Variants in PARPBP observed in about 807,000 individuals in gnomAD.
The protein encoded by PARPBP is PCNA-interacting partner.
Under a neutral mutation model 50.0 loss-of-function variants are expected in PARPBP, and 52 were observed. That is an observed-to-expected ratio of 1.04 (90% CI 0.83 to 1.31). The LOEUF (loss-of-function observed/expected upper bound fraction) is 1.31, where lower values mean the gene tolerates loss of function less well. Among genes scored for constraint, PARPBP ranks in the 50% most tolerant of loss-of-function variants. The pLI is 0.00. For missense variants in PARPBP, 697 were observed against 672.0 expected (o/e 1.04, Z -0.41); for synonymous variants, 244 against 232.1 (o/e 1.05, Z -0.47).
rs1226124541 is a variant in PARPBP, at chr12:102,184,508, A to G, written c.1263+1881A>G. On this transcript the variant is annotated intron_variant, in intron 9 of 10. Coordinates refer to ENST00000327680, the MANE Select transcript of PARPBP (RefSeq NM_017915.5). ...TCATCTAATGCAGTCTCATTTACAG[A>G]TGTGGAAACCAAAATTCTAAGAAGG... Among the ~76,000 whole-genome samples the G allele has an allele frequency of 3.9e-5, 6 of 152,214 alleles. No individual in the cohort carries two copies. The South Asian group carries it at 1.2e-3, about 31-fold the overall frequency.
chr12:102,135,786 C>T (rs1388389813), intron 2 of PARPBP, among the ~76,000 whole-genome samples: 4 of 152,092 alleles, frequency 2.6e-5, no homozygotes, highest in African/African-American at 7.2e-5. Context: ...TGCTGTTTTT[C>T]GAGTACTTTT....
intron 2 of PARPBP, among the ~76,000 whole-genome samples, chr12:102,125,580 C>T (rs1164998646): frequency 6.6e-6 from 1 of 152,038 alleles, no homozygotes; most frequent in Middle Eastern, 3.2e-3. Flanking sequence ...GTAAAAAGGC[C>T]AATACAGCTG....
At chr12:102,131,930 G>A (rs532878046) in intron 2 of PARPBP, among the ~76,000 whole-genome samples, 8 of 152,102 alleles carry the variant, frequency 5.3e-5, no homozygotes, top group Admixed American at 3.3e-4. Context: ...ACAGCTGGGC[G>A]CTGTGGCTAA....
chr12:102,136,079 C>T (rs1883588081), intron 2 of PARPBP, among the ~76,000 whole-genome samples: 1 of 152,096 alleles, frequency 6.6e-6, no homozygotes, highest in Non-Finnish European at 1.5e-5. Context: ...AAATAGAGCA[C>T]ATTGTTTGCT....
At chr12:102,129,153 A>G (rs1166572689) in intron 2 of PARPBP, among the ~76,000 whole-genome samples, 1 of 152,014 alleles carries the variant, frequency 6.6e-6, no homozygotes, top group African/African-American at 2.4e-5. Flanking sequence ...ATTATTTTTA[A>G]AATTCATTTT....
At chr12:102,189,954 CTT>C (rs751670291) in intron 9 of PARPBP, among the ~76,000 whole-genome samples, 1 of 152,116 alleles carries the variant, frequency 6.6e-6, no homozygotes, top group African/African-American at 2.4e-5. Flanking sequence ...ATATTTCTCT[CTT>C]GTTTCTGTAC....
intron 4 of PARPBP, among the ~76,000 whole-genome samples, chr12:102,159,236 T>C (rs1887300680): frequency 6.6e-6 from 1 of 152,106 alleles, no homozygotes; most frequent in African/African-American, 2.4e-5. Flanking sequence ...GTTCAAGCAA[T>C]TCTCCTGCCT....
In PARPBP at chr12:102,178,590, A is replaced by G. The variant is rs774367791; in HGVS notation, c.1006-2A>G. ...TTTACCTAAAATTATTTTTTGTCTC[A>G]GCCAAAATCTCATGCCATAAACCAT... On this transcript the variant is annotated splice_acceptor_variant, in intron 7 of 10. Coordinates refer to ENST00000327680, the MANE Select transcript of PARPBP (RefSeq NM_017915.5). LOFTEE classifies it high-confidence loss of function. 6.4e-7 allele frequency: 1 copy of G among 1,558,238 alleles called. No individual in the cohort carries two copies. Among genetic ancestry groups the G allele is most frequent in the South Asian group, 1.2e-5 (1 of 82,240 alleles).
intron 8 of PARPBP, among the ~76,000 whole-genome samples, chr12:102,180,575 T>A (rs1402090325): frequency 1.3e-5 from 2 of 152,162 alleles, no homozygotes; most frequent in African/African-American, 2.4e-5. Flanking sequence ...TGGTGGTGCA[T>A]GCTTGTAGTA....
At chr12:102,132,915 A>G (rs754480244) in intron 2 of PARPBP, among the ~76,000 whole-genome samples, 13 of 151,940 alleles carry the variant, frequency 8.6e-5, no homozygotes, top group African/African-American at 1.2e-4. Context: ...TTTTATAGCT[A>G]TTGTAAATGG....
chr12:102,154,956 T>C, intron 4 of PARPBP: 1 of 364,586 alleles, frequency 2.7e-6, no homozygotes, highest in Non-Finnish European at 5.3e-6. Context: ...GTCTTCACAA[T>C]CCCATATCTT....
At chr12:102,135,177 T>C (rs748740283) in intron 2 of PARPBP, among the ~76,000 whole-genome samples, 2 of 151,924 alleles carry the variant, frequency 1.3e-5, no homozygotes, top group East Asian at 1.9e-4. Context: ...CACAGGAATA[T>C]GTATAAGGAA....
chr12:102,193,235 T>A (rs1243651405), intron 9 of PARPBP, among the ~76,000 whole-genome samples: 2 of 151,922 alleles, frequency 1.3e-5, no homozygotes, highest in Admixed American at 6.6e-5. Context: ...GACTATATGT[T>A]AAAAATTAAT....
Position 102,120,210 on chromosome 12 carries a change from G to C in PARPBP, c.-80G>C, listed in dbSNP as rs1880757735. 1 of 225,340 alleles carries C rather than the reference G, an allele frequency of 4.4e-6. No homozygotes were observed. Among genetic ancestry groups the C allele is most frequent in the Non-Finnish European group, 9.5e-6 (1 of 105,680 alleles). The allele number at this position is 225,340 out of a possible 1,614,324, so 14.0% of individuals were successfully genotyped here. ...ATTCAGCGGCGACAGCGGCGACTGC[G>C]GCGGCCGCGGGAGGGCATCCCGTTG... On this transcript the variant is annotated 5_prime_UTR_variant, in exon 1 of 11. Coordinates refer to ENST00000327680, the MANE Select transcript of PARPBP (RefSeq NM_017915.5).
chr12:102,138,394 T>G (rs1302311802), intron 2 of PARPBP, among the ~76,000 whole-genome samples: 2 of 152,222 alleles, frequency 1.3e-5, no homozygotes, highest in Non-Finnish European at 2.9e-5. Context: ...TCTTTGTAGA[T>G]TCTGGAATTA....
chr12:102,171,588 C>T (rs566276682), intron 6 of PARPBP, among the ~76,000 whole-genome samples: 8 of 152,160 alleles, frequency 5.3e-5, no homozygotes, highest in Admixed American at 1.3e-4. Flanking sequence ...ATTTCATGGC[C>T]GGGCTTGGTG....
At chr12:102,192,254 T>G (rs1403078325) in intron 9 of PARPBP, among the ~76,000 whole-genome samples, 2 of 152,138 alleles carry the variant, frequency 1.3e-5, no homozygotes, top group African/African-American at 2.4e-5. Context: ...AATGATATAG[T>G]GTCTACATAG....
chr12:102,147,189 C>G (rs1484594759), intron 2 of PARPBP, among the ~76,000 whole-genome samples: 2 of 152,146 alleles, frequency 1.3e-5, no homozygotes, highest in Admixed American at 6.6e-5. Context: ...CTAGAAATAC[C>G]ATTTGACCCA....
intron 2 of PARPBP, among the ~76,000 whole-genome samples, chr12:102,126,708 A>G (rs1882052657): frequency 6.6e-6 from 1 of 152,042 alleles, no homozygotes; most frequent in Non-Finnish European, 1.5e-5. Context: ...TATCACTTGA[A>G]CCCAGGAGGC....
Sources: gnomAD v4.1 joint callset for allele counts (sites outside exome capture counted in the v4.1 genomes callset) on GRCh38, gnomAD v4.1.1 for gene constraint, MANE v1.5 for transcripts, NCBI Gene and HGNC (gene_info 2026-07-23, HGNC 2026-07-21) for gene names.